Variants in GMDS observed in about 807,000 individuals in gnomAD.
GMDS encodes GDP-mannose 4,6-dehydratase, also known as GDP-mannose 4,6 dehydratase.
A neutral mutation model predicts 49.9 loss-of-function variants in GMDS; 20 were observed. The observed-to-expected ratio is 0.40, with a 90% CI of 0.28 to 0.58. The LOEUF is 0.58. GMDS is among the 20% of genes least tolerant of loss of function. The pLI, the probability that GMDS is intolerant of heterozygous loss-of-function variation, is 0.42. For missense variants in GMDS, 362 were observed against 481.4 expected, an observed-to-expected ratio of 0.75 and a Z score of 2.32; for synonymous variants, 177 against 178.6, an observed-to-expected ratio of 0.99 and a Z score of 0.07.
chr6:1,923,155 C>T (rs9405529), intron 7 of GMDS, among the ~76,000 whole-genome samples: 58,634 of 152,092 alleles, frequency 0.39, 12,094 homozygotes, highest in East Asian at 0.46. Context: ...TCTTTATAAA[C>T]ACCCAGTCTC....
intron 4 of GMDS, among the ~76,000 whole-genome samples, chr6:2,048,876 T>G (rs1218896241): frequency 3.3e-5 from 5 of 152,214 alleles, no homozygotes; most frequent in African/African-American, 9.7e-5. Context: ...ATATTTCTAT[T>G]AAGGACTGAA....
At chr6:1,797,310 T>C (rs767054871) in intron 7 of GMDS, among the ~76,000 whole-genome samples, 2 of 152,206 alleles carry the variant, frequency 1.3e-5, no homozygotes, top group African/African-American at 4.8e-5. Context: ...TTAAATGTTA[T>C]AGCTGGCCTG....
At chr6:1,915,324 G>A (rs1242323553) in intron 7 of GMDS, among the ~76,000 whole-genome samples, 1 of 152,206 alleles carries the variant, frequency 6.6e-6, no homozygotes, top group Admixed American at 6.5e-5. Context: ...CAGACAAGGC[G>A]GGAAATGGCC....
At chr6:1,848,311 C>G (rs972764744) in intron 7 of GMDS, among the ~76,000 whole-genome samples, 1 of 152,146 alleles carries the variant, frequency 6.6e-6, no homozygotes, top group Non-Finnish European at 1.5e-5. Context: ...TCTGTTCCCA[C>G]CACCCAGAAT....
intron 7 of GMDS, among the ~76,000 whole-genome samples, chr6:1,845,817 C>A (rs1406317728): frequency 6.6e-6 from 1 of 152,162 alleles, no homozygotes; most frequent in Non-Finnish European, 1.5e-5. Flanking sequence ...GGAGGTGGCA[C>A]TCAGGAGGTA....
intron 2 of GMDS, among the ~76,000 whole-genome samples, chr6:2,121,094 TG>T (rs1775113285): frequency 6.6e-6 from 1 of 152,202 alleles, no homozygotes; most frequent in African/African-American, 2.4e-5. Flanking sequence ...TTGAGTGACT[TG>T]CCCAGGGTCA....
intron 7 of GMDS, among the ~76,000 whole-genome samples, chr6:1,756,483 G>A (rs1484148708): frequency 1.3e-5 from 2 of 152,170 alleles, no homozygotes; most frequent in Non-Finnish European, 2.9e-5. Flanking sequence ...TGTTGGTCAG[G>A]CTGGTCTTGA....
intron 4 of GMDS, among the ~76,000 whole-genome samples, chr6:1,968,000 C>T (rs373407121): frequency 6.6e-6 from 1 of 152,204 alleles, no homozygotes; most frequent in East Asian, 1.9e-4. Context: ...ATCCCATGTG[C>T]TTTTAAAGCT....
chr6:2,050,366 T>C (rs1770307599), intron 4 of GMDS, among the ~76,000 whole-genome samples: 1 of 152,150 alleles, frequency 6.6e-6, no homozygotes. Context: ...TAACAGGCTC[T>C]GAAATTGAGG....
intron 1 of GMDS, among the ~76,000 whole-genome samples, chr6:2,192,598 G>T (rs1390341172): frequency 6.6e-6 from 1 of 152,182 alleles, no homozygotes; most frequent in Non-Finnish European, 1.5e-5. Flanking sequence ...CAAGCTTCTG[G>T]GAGCCATTGC....
intron 7 of GMDS, among the ~76,000 whole-genome samples, chr6:1,864,795 A>C (rs1758364057): frequency 6.6e-6 from 1 of 152,216 alleles, no homozygotes; most frequent in Non-Finnish European, 1.5e-5. Flanking sequence ...GGCTAAGCTG[A>C]GCAGCAAACA....
chr6:2,172,585 C>T (rs139436717), intron 1 of GMDS, among the ~76,000 whole-genome samples: 172 of 151,962 alleles, frequency 1.1e-3, no homozygotes, highest in African/African-American at 3.5e-3. Flanking sequence ...CCCAGCTACT[C>T]GGGAGACTGA....
rs368285848 is a variant in GMDS, at chr6:1,864,449, T to C, written c.771+65654A>G. On this transcript the variant is annotated intron_variant, in intron 7 of 10. Transcript: ENST00000380815. ...AAAAAATGTTAACTAGAGATTTATATGATCAGACTACTAGTCAAAACTATG... is the reference window on the plus strand; with the variant it reads ...AAAAAATGTTAACTAGAGATTTATACGATCAGACTACTAGTCAAAACTATG... 5.9e-5 allele frequency among the ~76,000 whole-genome samples: 9 copies of C among 152,338 alleles called. No homozygotes were observed. The South Asian group carries it at 6.2e-4, about 11-fold the overall frequency.
intron 4 of GMDS, among the ~76,000 whole-genome samples, chr6:1,964,105 T>C (rs904316179): frequency 6.6e-6 from 1 of 152,178 alleles, no homozygotes. Context: ...ACACAAACAA[T>C]TGCCTACGCT....
chr6:2,038,945 T>C (rs1006250390), intron 4 of GMDS, among the ~76,000 whole-genome samples: 1 of 152,198 alleles, frequency 6.6e-6, no homozygotes, highest in East Asian at 1.9e-4. Flanking sequence ...CATACAGCCA[T>C]GTATCACATA....
At chr6:2,225,773 G>A (rs903013473) in intron 1 of GMDS, among the ~76,000 whole-genome samples, 7 of 152,120 alleles carry the variant, frequency 4.6e-5, no homozygotes, top group African/African-American at 1.7e-4. Context: ...GTCAGAAAAG[G>A]GCCAGCTTCC....
chr6:1,683,218 G>A (rs1764847832), intron 9 of GMDS, among the ~76,000 whole-genome samples: 1 of 152,078 alleles, frequency 6.6e-6, no homozygotes, highest in Non-Finnish European at 1.5e-5. Context: ...CTGCCTCCCG[G>A]GTTCACACCA....
chr6:1,971,800 G>A (rs2146921), intron 4 of GMDS, among the ~76,000 whole-genome samples: 6,243 of 152,264 alleles, frequency 0.041, 429 homozygotes, highest in African/African-American at 0.14. Context: ...TTTTTGTCAT[G>A]TGTTTACATT....
At chr6:1,900,145 C>T (rs1342397198) in intron 7 of GMDS, among the ~76,000 whole-genome samples, 1 of 152,198 alleles carries the variant, frequency 6.6e-6, no homozygotes, top group Non-Finnish European at 1.5e-5. Context: ...GGAGCCTTAT[C>T]TGGGTCAGAG....
Sources: gnomAD v4.1 joint callset for allele counts (sites outside exome capture counted in the v4.1 genomes callset) on GRCh38, gnomAD v4.1.1 for gene constraint, MANE v1.5 for transcripts, NCBI Gene and HGNC (gene_info 2026-07-23, HGNC 2026-07-21) for gene names.